The following THNSL1 variants were observed in gnomAD, a reference collection of about 807,000 sequenced individuals.
The protein encoded by THNSL1 is threonine synthase-like 1.
In THNSL1, 48 loss-of-function variants were observed where a neutral mutation model predicts 50.4. The ratio of observed to expected loss-of-function variants is 0.95; its 90% CI spans 0.76 to 1.21. The LOEUF is 1.21. THNSL1 is among the 50% of genes most tolerant of loss of function. The probability of loss-of-function intolerance (pLI) is 0.00; values close to 1 mark genes in which losing one functional copy is unlikely to be tolerated. For missense variants in THNSL1, 896 were observed against 871.7 expected, an observed-to-expected ratio of 1.03 and a Z score of -0.35; for synonymous variants, 309 against 306.1, an observed-to-expected ratio of 1.01 and a Z score of -0.10.
chr10:24,976,248 G>A, the THNSL1 span, among the ~76,000 whole-genome samples: 1 of 152,112 alleles, frequency 6.6e-6, no homozygotes, highest in African/African-American at 2.4e-5. Flanking sequence ...GTGTGTGAAG[G>A]GAGGGTCTCT....
chr10:25,002,561 CAG>C, the THNSL1 span, among the ~76,000 whole-genome samples: 14 of 152,080 alleles, frequency 9.2e-5, no homozygotes, highest in Non-Finnish European at 2.1e-4. Flanking sequence ...GTTTATTGTT[CAG>C]AGTCTGATAA....
the THNSL1 span, among the ~76,000 whole-genome samples, chr10:24,973,941 A>C: frequency 2.6e-5 from 4 of 152,102 alleles, no homozygotes; most frequent in African/African-American, 9.7e-5. Flanking sequence ...TTTAGTAGAG[A>C]CAGAGTTTCA....
At chr10:24,977,112 A>T in the THNSL1 span, among the ~76,000 whole-genome samples, 4 of 152,212 alleles carry the variant, frequency 2.6e-5, no homozygotes, top group Admixed American at 1.3e-4. Flanking sequence ...GTGAAATAAT[A>T]AAAAAGCTAT....
the THNSL1 span, among the ~76,000 whole-genome samples, chr10:25,008,806 C>G: frequency 2.0e-5 from 3 of 152,136 alleles, no homozygotes. Context: ...CACATGCACA[C>G]GTATGTTTAT....
At chr10:24,971,493 G>A in the THNSL1 span, among the ~76,000 whole-genome samples, 4 of 152,148 alleles carry the variant, frequency 2.6e-5, no homozygotes, top group Admixed American at 2.6e-4. Flanking sequence ...ATATCAAAGA[G>A]GATTCTTATA....
At chr10:24,983,483 C>T in the THNSL1 span, 1 of 152,072 alleles carries the variant, frequency 6.6e-6, no homozygotes. Context: ...AGCTGTTAGC[C>T]TACCCTAAAT....
At chr10:24,982,161 C>G in the THNSL1 span, 2 of 152,056 alleles carry the variant, frequency 1.3e-5, no homozygotes, top group African/African-American at 4.8e-5. Flanking sequence ...TACAATATGA[C>G]CAGTGCTATA....
intron 1 of THNSL1, among the ~76,000 whole-genome samples, chr10:25,020,554 T>C (rs11014350): frequency 0.25 from 38,372 of 151,622 alleles, 5,705 homozygotes; most frequent in East Asian, 0.5. Context: ...ATTGCTTGAG[T>C]TCAGGAGTTC....
the THNSL1 span, among the ~76,000 whole-genome samples, chr10:24,974,893 T>G: frequency 2.0e-5 from 3 of 152,214 alleles, no homozygotes; most frequent in African/African-American, 7.2e-5. Context: ...TGATCCAAAT[T>G]CTAAGATAAT....
upstream of THNSL1, chr10:25,015,975 T>C: frequency 6.3e-7 from 1 of 1,585,510 alleles, no homozygotes; most frequent in Admixed American, 1.8e-5. Context: ...TCTCCACAAC[T>C]TTTTTCTCCC....
the THNSL1 span, among the ~76,000 whole-genome samples, chr10:25,010,551 G>A: frequency 7.3e-5 from 11 of 151,270 alleles, no homozygotes; most frequent in African/African-American, 2.7e-4. Flanking sequence ...CCATTAACTC[G>A]TCATTTAGCA....
chr10:24,993,679 A>G, the THNSL1 span, among the ~76,000 whole-genome samples: 1 of 152,234 alleles, frequency 6.6e-6, no homozygotes, highest in East Asian at 1.9e-4. Context: ...TAAGTCTTTC[A>G]TGAGCACTGA....
At chr10:24,994,969 T>C in the THNSL1 span, among the ~76,000 whole-genome samples, 1 of 152,122 alleles carries the variant, frequency 6.6e-6, no homozygotes, top group Admixed American at 6.5e-5. Context: ...TGCAGTGAGC[T>C]GAGATTGCAC....
chr10:24,955,996 A>G, the THNSL1 span, among the ~76,000 whole-genome samples: 2 of 152,140 alleles, frequency 1.3e-5, no homozygotes, highest in East Asian at 1.9e-4. Flanking sequence ...AAGGTGACCA[A>G]TCAGGGATAG....
the THNSL1 span, among the ~76,000 whole-genome samples, chr10:25,005,677 G>A: frequency 6.6e-6 from 1 of 152,186 alleles, no homozygotes. Context: ...TGAAATGAGA[G>A]TGTTCAATTC....
At chr10:24,967,296 A>G in the THNSL1 span, among the ~76,000 whole-genome samples, 1 of 152,142 alleles carries the variant, frequency 6.6e-6, no homozygotes, top group Admixed American at 6.5e-5. Context: ...ATTACTCTAC[A>G]TAGTGAAACC....
At chr10:24,986,689 A>G in the THNSL1 span, among the ~76,000 whole-genome samples, 1 of 152,160 alleles carries the variant, frequency 6.6e-6, no homozygotes, top group Non-Finnish European at 1.5e-5. Context: ...TTTAAAGGAT[A>G]GTTTGCTTTT....
chr10:24,992,228 A>G, the THNSL1 span, among the ~76,000 whole-genome samples: 1 of 152,248 alleles, frequency 6.6e-6, no homozygotes, highest in East Asian at 1.9e-4. Context: ...TTTGCATTCT[A>G]TGGTGACAGA....
the THNSL1 span, among the ~76,000 whole-genome samples, chr10:24,959,179 A>G: frequency 6.6e-6 from 1 of 152,194 alleles, no homozygotes; most frequent in Non-Finnish European, 1.5e-5. Context: ...ACAAAAACAA[A>G]AAAAGGGGGG....
Sources: allele counts gnomAD v4.1 joint callset (sites outside exome capture counted in the v4.1 genomes callset), GRCh38; gene constraint gnomAD v4.1.1; transcripts MANE v1.5; gene names NCBI Gene and HGNC (gene_info 2026-07-23, HGNC 2026-07-21).